HCK: variants seen among roughly 807,000 people sequenced by gnomAD.
HCK encodes the protein tyrosine-protein kinase HCK.
In HCK, 40 loss-of-function variants were observed where a neutral mutation model predicts 70.4. The ratio of observed to expected loss-of-function variants is 0.57; its 90% CI spans 0.44 to 0.74. The LOEUF (loss-of-function observed/expected upper bound fraction) is 0.74. HCK is among the 30% of genes least tolerant of loss of function. HCK has a pLI of 0.00. For synonymous variants in HCK, 245 were observed against 263.2 expected, an observed-to-expected ratio of 0.93 and a Z score of 0.67; for missense variants, 568 against 697.2, an observed-to-expected ratio of 0.81 and a Z score of 2.09.
At chr20:32,101,252 G>C (rs1443518419) in intron 12 of HCK, 65 bp from the exon 13 acceptor site, 4 of 1,476,054 alleles carry the variant, frequency 2.7e-6, no homozygotes, top group Admixed American at 3.7e-5. Context: ...AGGCCACAGG[G>C]CCTGCCACCC....
chr20:32,060,893 GGAAGGAAGAAAGGAAGGAA>G (rs1479110642), intron 1 of HCK, among the ~76,000 whole-genome samples: 1 of 100,736 alleles, frequency 9.9e-6, no homozygotes, highest in Non-Finnish European at 2.7e-5. Flanking sequence ...AAAAAGAAAA[GGAAGGAAGAAAGGAAGGAA>G]GAAGAAAGGA....
intron 11 of HCK, among the ~76,000 whole-genome samples, chr20:32,094,850 A>G (rs968622587): frequency 6.7e-6 from 1 of 148,488 alleles, no homozygotes; most frequent in African/African-American, 2.5e-5. Context: ...AGAAAGAAAG[A>G]AAAGAAAGAA....
intron 1 of HCK, among the ~76,000 whole-genome samples, chr20:32,061,963 G>A (rs980887895): frequency 1.2e-4 from 16 of 138,368 alleles, no homozygotes; most frequent in Non-Finnish European, 4.6e-5. Context: ...TTTTTGAGAC[G>A]GACTCTCACT....
intron 1 of HCK, among the ~76,000 whole-genome samples, chr20:32,063,561 T>A (rs1352880125): frequency 6.6e-6 from 1 of 152,088 alleles, no homozygotes; most frequent in African/African-American, 2.4e-5. Flanking sequence ...TATAACCAGG[T>A]CCTTTTAAGG....
Position 32,073,772 on chromosome 20 carries a change from GA to G in HCK, c.285del (p.Asp96ThrfsTer13). The G allele has an allele frequency of 6.4e-7, 1 of 1,556,146 alleles. No homozygotes were observed. The highest frequency in any genetic ancestry group is 8.7e-7 in the Non-Finnish European group (1 of 1,149,024). The stretch of plus-strand genomic sequence containing the variant: ...GTATGATTACGAGGCCATTCACCAC[GA>G]AGACCTCAGCTTCCAGAAGGGGGAC... On this transcript the variant is annotated frameshift_variant, in exon 4 of 13. Transcript: ENST00000375852. LOFTEE classifies it high-confidence loss of function.
chr20:32,052,623 C>G (rs1400817159), intron 1 of HCK, 137 bp downstream of exon 1: 4 of 569,700 alleles, frequency 7.0e-6, no homozygotes, highest in African/African-American at 1.9e-5. Flanking sequence ...GTCGGGGGAG[C>G]CGCGGGTAGC....
intron 1 of HCK, among the ~76,000 whole-genome samples, chr20:32,060,145 T>C (rs954749979): frequency 6.6e-6 from 1 of 152,136 alleles, no homozygotes; most frequent in Non-Finnish European, 1.5e-5. Flanking sequence ...ACTGCTCCTC[T>C]CCCAGCAGAA....
intron 8 of HCK, among the ~76,000 whole-genome samples, chr20:32,084,987 G>T (rs2045762974): frequency 6.6e-6 from 1 of 152,156 alleles, no homozygotes; most frequent in African/African-American, 2.4e-5. Flanking sequence ...AATCAGAAAG[G>T]CACATCTCAC....
chr20:32,059,432 TTTTCTTTC>T (rs397838502), intron 1 of HCK, among the ~76,000 whole-genome samples: 3 of 147,570 alleles, frequency 2.0e-5, no homozygotes, highest in Non-Finnish European at 4.5e-5. Flanking sequence ...TTTCTTTCTT[TTTTCTTTC>T]TTTCTTTCTT....
At chr20:32,071,827 G>A in intron 2 of HCK, 45 bp downstream of exon 2, 1 of 1,600,128 alleles carries the variant, frequency 6.2e-7, no homozygotes, top group African/African-American at 1.3e-5. Context: ...GACGGATGCT[G>A]CCCCAACATT....
chr20:32,099,902 C>CT (rs5841098), intron 12 of HCK, among the ~76,000 whole-genome samples: 41 of 143,344 alleles, frequency 2.9e-4, no homozygotes, highest in South Asian at 1.6e-3. Context: ...CTTTCTCCAC[C>CT]TTTTTTTTTT....
At chr20:32,076,095 C>T (rs369414030) in intron 5 of HCK, among the ~76,000 whole-genome samples, 3 of 151,926 alleles carry the variant, frequency 2.0e-5, no homozygotes, top group Admixed American at 6.6e-5. Flanking sequence ...GGCCAAGGCA[C>T]GCAGATCACC....
intron 1 of HCK, among the ~76,000 whole-genome samples, chr20:32,065,353 A>C (rs2045440288): frequency 6.6e-6 from 1 of 152,236 alleles, no homozygotes. Context: ...AGACTTTTTG[A>C]GTTCAAATGG....
intron 5 of HCK, among the ~76,000 whole-genome samples, chr20:32,078,023 T>G (rs964055700): frequency 4.8e-5 from 7 of 144,400 alleles, no homozygotes; most frequent in African/African-American, 1.5e-4. Context: ...AGACAGTTGG[T>G]TTTTTTTGTT....
In HCK at chr20:32,069,856, T is replaced by G. The variant is rs1049884136; in HGVS notation, c.63-1806T>G. The G allele has an allele frequency of 4.9e-6, 4 of 811,008 alleles. No individual in the cohort carries two copies. In the Admixed American group the frequency reaches 1.0e-4, roughly 20 times the overall value. The allele number at this position is 811,008 out of a possible 1,614,324, so 50.2% of individuals were successfully genotyped here. On this transcript the variant is annotated intron_variant, in intron 1 of 12. Coordinates refer to ENST00000375852, the MANE Select transcript of HCK (RefSeq NM_002110.5). ...CCTTAAACCACAAATACATGTTTAT[T>G]TTAACAAGATAAGTATAACTGAGTT... is the stretch of plus-strand genomic sequence containing the variant.
intron 11 of HCK, 111 bp downstream of exon 11, chr20:32,094,127 A>C (rs1285372424): frequency 1.0e-6 from 1 of 996,164 alleles, no homozygotes; most frequent in Non-Finnish European, 1.5e-6. Flanking sequence ...CCCCAGTACT[A>C]GCTGTGCATT....
intron 1 of HCK, among the ~76,000 whole-genome samples, chr20:32,058,746 G>T (rs2045316099): frequency 6.6e-6 from 1 of 152,050 alleles, no homozygotes; most frequent in South Asian, 2.1e-4. Flanking sequence ...TGATTCCAGA[G>T]ACCCTCCTAG....
At position 32,059,306 on chromosome 20, in the gene HCK, T is replaced by TC. The variant is rs2045328284; in HGVS notation, c.62+6822dup. On this transcript the variant is annotated intron_variant, in intron 1 of 12. Transcript: ENST00000375852. ...TTCCTTCCTTCCTTCCCTCCCTCCC[T>TC]CCTTTCTTTTCTTTTCTTTCTTCTT... is the stretch of plus-strand genomic sequence containing the variant. Among the ~76,000 whole-genome samples, 3 of 150,682 alleles carry TC rather than the reference T, an allele frequency of 2.0e-5. No individual in the cohort carries two copies. The East Asian group carries it at 5.9e-4, about 30-fold the overall frequency.
chr20:32,066,492 C>T (rs934670013), intron 1 of HCK, among the ~76,000 whole-genome samples: 2 of 151,184 alleles, frequency 1.3e-5, no homozygotes, highest in African/African-American at 2.4e-5. Flanking sequence ...TTTCTGTTTT[C>T]GGTAGAGTCA....
Sources: gnomAD v4.1 joint callset for allele counts (sites outside exome capture counted in the v4.1 genomes callset) on GRCh38, gnomAD v4.1.1 for gene constraint, MANE v1.5 for transcripts, NCBI Gene and HGNC (gene_info 2026-07-23, HGNC 2026-07-21) for gene names.